TRANK1: variants seen among roughly 807,000 people sequenced by gnomAD.
TRANK1 encodes the protein tetratricopeptide repeat and ankyrin repeat containing 1, also known as TPR and ankyrin repeat-containing protein 1.
Under a neutral mutation model 266.0 loss-of-function variants are expected in TRANK1, and 198 were observed. That is an observed-to-expected ratio of 0.74 (90% CI 0.66 to 0.84). The LOEUF is 0.84. Ranked by LOEUF, TRANK1 falls within the 40% of genes least tolerant of loss-of-function variation. The pLI is 0.00. For missense variants in TRANK1, 3,326 were observed against 3,634.6 expected (o/e 0.92, Z 2.18); for synonymous variants, 1,396 against 1,384.1 (o/e 1.01, Z -0.19).
Position 36,879,821 on chromosome 3 carries a change from C to CAAATATATGTAAATATAT in TRANK1, c.908-5526_908-5525insATATATTTACATATATTT. ...AAATATACAAATATATGTAAATATA[C>CAAATATATGTAAATATAT]AAATATATGTAAATATACAAATATA... On this transcript the variant is annotated intron_variant, in intron 8 of 23. Coordinates refer to ENST00000645898, the MANE Select transcript of TRANK1 (RefSeq NM_001329998.2). Among the ~76,000 whole-genome samples the CAAATATATGTAAATATAT allele has an allele frequency of 2.2e-5, 2 of 92,208 alleles. 1 individual carries two copies. Among genetic ancestry groups the CAAATATATGTAAATATAT allele is most frequent in the East Asian group, 8.8e-4 (2 of 2,270 alleles). 60.5% of individuals were successfully genotyped at this position (92,208 alleles called of 152,430 possible).
chr3:36,936,013 G>T (rs1040707248), intron 1 of TRANK1, among the ~76,000 whole-genome samples: 2 of 152,180 alleles, frequency 1.3e-5, no homozygotes, highest in South Asian at 4.1e-4. Context: ...AAAGGGAAAA[G>T]GTGTATACAA....
At chr3:36,848,248 A>G (rs1041854067) in intron 15 of TRANK1, among the ~76,000 whole-genome samples, 2 of 152,182 alleles carry the variant, frequency 1.3e-5, no homozygotes, top group African/African-American at 4.8e-5. Context: ...TTTATATACC[A>G]TAAAATATTA....
chr3:36,886,676 G>A (rs2079610611), intron 8 of TRANK1, among the ~76,000 whole-genome samples: 1 of 151,936 alleles, frequency 6.6e-6, no homozygotes, highest in Non-Finnish European at 1.5e-5. Flanking sequence ...ACTTTGGGAG[G>A]CTGAGGCTGG....
chr3:36,891,438 C>T (rs141155685), intron 7 of TRANK1, among the ~76,000 whole-genome samples: 60 of 152,300 alleles, frequency 3.9e-4, no homozygotes, highest in Admixed American at 7.2e-4. Context: ...GGCCTCAAGC[C>T]CATGGCCACC....
chr3:36,877,795 C>T (rs1042244727), intron 8 of TRANK1, among the ~76,000 whole-genome samples: 5 of 152,306 alleles, frequency 3.3e-5, no homozygotes, highest in African/African-American at 1.2e-4. Flanking sequence ...CTTTTTATCA[C>T]ATTCTTTGAA....
chr3:36,893,019 A>G, intron 5 of TRANK1, 35 bp from the exon 6 acceptor site: 10 of 1,328,090 alleles, frequency 7.5e-6, no homozygotes, highest in Non-Finnish European at 1.0e-5. Context: ...TGGAATAATA[A>G]TGTTCTCCAC....
chr3:36,848,865 C>T (rs1034703099), intron 15 of TRANK1, among the ~76,000 whole-genome samples: 4 of 152,128 alleles, frequency 2.6e-5, no homozygotes, highest in Non-Finnish European at 5.9e-5. Flanking sequence ...GCATGAGATA[C>T]GGACTGGCTA....
At position 36,832,040 on chromosome 3, in the gene TRANK1, C is replaced by A. The variant is rs371838140; in HGVS notation, c.7543G>T (p.Val2515Leu). Residue 2515 changes from valine to leucine, a missense_variant, in exon 22 of 24, where the codon GTG (valine) becomes TTG (leucine). Coordinates refer to ENST00000645898, the MANE Select transcript of TRANK1 (RefSeq NM_001329998.2). The part of the protein sequence containing the change: ...SIIQEYKPKD[V>L]TRAIQDFRFH... ...CGGAAATCCTGAATGGCTCTTGTCA[C>A]GTCCTTGGGTTTGTATTCCTGAATG... 4.0e-5 allele frequency: 64 copies of A among 1,614,030 alleles called. No individual in the cohort carries two copies. Among genetic ancestry groups the A allele is most frequent in the East Asian group, 3.1e-4 (14 of 44,886 alleles).
chr3:36,843,156 G>A (rs1043164593), intron 17 of TRANK1, among the ~76,000 whole-genome samples: 1 of 152,110 alleles, frequency 6.6e-6, no homozygotes, highest in Non-Finnish European at 1.5e-5. Flanking sequence ...TTCTGTTATG[G>A]CAGTCAGAGC....
chr3:36,928,510 A>G (rs970802154), intron 1 of TRANK1, among the ~76,000 whole-genome samples: 43 of 152,200 alleles, frequency 2.8e-4, no homozygotes, highest in Admixed American at 2.8e-3. Context: ...TCACTATGGG[A>G]GAAAAGCAGA....
intron 4 of TRANK1, among the ~76,000 whole-genome samples, chr3:36,898,344 G>T (rs1053563988): frequency 5.3e-5 from 8 of 152,078 alleles, no homozygotes; most frequent in Non-Finnish European, 8.8e-5. Flanking sequence ...CAGCTACTCA[G>T]GAGGCTGAGG....
At chr3:36,876,201 T>C (rs951376158) in intron 8 of TRANK1, among the ~76,000 whole-genome samples, 8 of 152,250 alleles carry the variant, frequency 5.3e-5, no homozygotes, top group Admixed American at 5.2e-4. Context: ...TTACCAGATT[T>C]GATGGTGTGA....
chr3:36,944,673 C>T (rs1025160492), intron 1 of TRANK1, 114 bp downstream of exon 1: 3 of 1,274,570 alleles, frequency 2.4e-6, no homozygotes, highest in Non-Finnish European at 3.2e-6. Context: ...CGGGCGGGCC[C>T]GTTCGGCCGC....
rs573469821 is a variant in TRANK1 at position 36,881,986 on chromosome 3, T to C, written c.908-7690A>G. ...ATGGCATATTTTGTTTATCCATTCC[T>C]CAGTTGATAGAGATTTGGGTTGTTT... On this transcript the variant is annotated intron_variant, in intron 8 of 23. Coordinates refer to ENST00000645898, the MANE Select transcript of TRANK1 (RefSeq NM_001329998.2). Among the ~76,000 whole-genome samples the C allele has an allele frequency of 4.7e-4, 72 of 152,358 alleles. 1 individual carries two copies. The highest frequency in any genetic ancestry group is 1.7e-3 in the South Asian group (8 of 4,832).
intron 8 of TRANK1, among the ~76,000 whole-genome samples, chr3:36,879,414 A>G (rs1293149550): frequency 6.6e-6 from 1 of 150,630 alleles, no homozygotes; most frequent in Non-Finnish European, 1.5e-5. Flanking sequence ...TCTACTGATG[A>G]AAAAAAACAA....
At chr3:36,880,317 A>T in intron 8 of TRANK1, 1 of 399,058 alleles carries the variant, frequency 2.5e-6, no homozygotes, top group Non-Finnish European at 5.3e-6. Flanking sequence ...CATGAGAAAC[A>T]TCGATTCTCC....
intron 8 of TRANK1, among the ~76,000 whole-genome samples, chr3:36,878,005 T>C (rs936034498): frequency 5.9e-5 from 9 of 151,654 alleles, no homozygotes; most frequent in African/African-American, 2.2e-4. Flanking sequence ...AGAAAAAACA[T>C]GCGAGTCAAT....
chr3:36,849,972 G>A (rs1404544738), intron 15 of TRANK1: 36 of 964,834 alleles, frequency 3.7e-5, no homozygotes, highest in Middle Eastern at 5.3e-4. Flanking sequence ...TGGGAGCACC[G>A]GGTCAAGATA....
At chr3:36,886,883 T>C (rs560540655) in intron 8 of TRANK1, among the ~76,000 whole-genome samples, 1 of 151,430 alleles carries the variant, frequency 6.6e-6, no homozygotes, top group East Asian at 1.9e-4. Flanking sequence ...TTTTCTTCCT[T>C]CCACCTACAT....
Sources: gnomAD v4.1 joint callset for allele counts (sites outside exome capture counted in the v4.1 genomes callset) on GRCh38, gnomAD v4.1.1 for gene constraint, MANE v1.5 for transcripts, NCBI Gene and HGNC (gene_info 2026-07-23, HGNC 2026-07-21) for gene names.